Variants in SENP5 observed in about 807,000 individuals in gnomAD.
SENP5 encodes the protein SUMO specific peptidase 5.
SENP5 carries 21 observed loss-of-function variants against 74.2 expected under a neutral mutation model. The ratio of observed to expected loss-of-function variants is 0.28; its 90% confidence interval spans 0.20 to 0.41. The LOEUF is 0.41. Ranked by LOEUF, SENP5 falls within the 10% of genes least tolerant of loss-of-function variation. The pLI is 1.00. For synonymous variants in SENP5, 311 were observed against 312.7 expected (o/e 0.99, Z 0.06); for missense variants, 717 against 889.1 (o/e 0.81, Z 2.46).
chr3:196,901,043 A>ACT (rs369187807), intron 5 of SENP5, among the ~76,000 whole-genome samples: 1 of 100,992 alleles, frequency 9.9e-6, no homozygotes. Context: ...TTATGTATTT[A>ACT]TTTTACTTTT....
At chr3:196,919,203 A>T (rs1715513696) in intron 6 of SENP5, among the ~76,000 whole-genome samples, 1 of 152,226 alleles carries the variant, frequency 6.6e-6, no homozygotes, top group African/African-American at 2.4e-5. Context: ...ACAAAGGGCC[A>T]GGTGCAGTGG....
chr3:196,893,371 G>A (rs1560147247), intron 2 of SENP5, among the ~76,000 whole-genome samples: 1 of 152,136 alleles, frequency 6.6e-6, no homozygotes, highest in Non-Finnish European at 1.5e-5. Flanking sequence ...TGTGTGTATA[G>A]CAAAAGTTAG....
chr3:196,900,316 A>G, intron 4 of SENP5, 49 bp from the exon 5 acceptor site: 1 of 1,540,686 alleles, frequency 6.5e-7, no homozygotes, highest in Non-Finnish European at 8.8e-7. Flanking sequence ...TTCTTTCTCC[A>G]ACTTAACTGG....
intron 6 of SENP5, among the ~76,000 whole-genome samples, chr3:196,911,680 G>C (rs1243467832): frequency 6.6e-6 from 1 of 151,928 alleles, no homozygotes; most frequent in East Asian, 1.9e-4. Flanking sequence ...TGTGGTGGTG[G>C]GGGCCTGTAA....
Position 196,900,028 on chromosome 3 carries a change from C to T in SENP5, c.1724C>T (p.Ala575Val), listed in dbSNP as rs1017469080. 54 of 1,613,842 alleles carry T rather than the reference C, an allele frequency of 3.3e-5. No individual in the cohort carries two copies. The highest frequency in any genetic ancestry group is 9.9e-5 in the South Asian group (9 of 91,060). The change falls in exon 4 of 10, where the codon GCG becomes GTG. Residue 575 changes from alanine to valine, a missense_variant. Coordinates refer to ENST00000323460, the MANE Select transcript of SENP5 (RefSeq NM_152699.5). ...NKHMLDMDDL[A>V]TLDGQNWLND... ...CACATGCTGGATATGGACGACCTGG[C>T]GACTCTGGATGGTCAGAACTGGCTG...
At chr3:196,890,295 T>A (rs1714146776) in intron 2 of SENP5, among the ~76,000 whole-genome samples, 2 of 152,220 alleles carry the variant, frequency 1.3e-5, no homozygotes, top group African/African-American at 4.8e-5. Flanking sequence ...GATAATCCTT[T>A]AAGGGACTTC....
chr3:196,929,777 A>T, intron 9 of SENP5, 94 bp downstream of exon 9: 3 of 833,260 alleles, frequency 3.6e-6, no homozygotes, highest in Non-Finnish European at 6.2e-6. Flanking sequence ...TGTGTATATG[A>T]TGCTAGGTAC....
At position 196,929,668 on chromosome 3, in the gene SENP5, A is replaced by C. The variant is rs1715951442; in HGVS notation, c.2142A>C (p.Gly714=). ...IPQQKNDSDC[G]VFVLQYCKCL... is the part of the protein sequence containing the mutation. Reference sequence around the variant, plus strand: ...AACAGAAAAACGACAGTGACTGTGGAGTCTTTGTGCTCCAGGTAAAGAAAC... The same window carrying C: ...AACAGAAAAACGACAGTGACTGTGGCGTCTTTGTGCTCCAGGTAAAGAAAC... The change falls in exon 9 of 10, where the codon GGA becomes GGC. Residue 714 remains glycine, a synonymous_variant. Transcript: ENST00000323460. 6.2e-7 allele frequency: 1 copy of C among 1,608,582 alleles called. No individual in the cohort carries two copies. The highest frequency in any genetic ancestry group is 8.5e-7 in the Non-Finnish European group (1 of 1,176,702).
Position 196,923,474 on chromosome 3 carries a change from C to G in SENP5, c.1945C>G (p.Leu649Val). The G allele has an allele frequency of 6.2e-7, 1 of 1,612,110 alleles. No individual in the cohort carries two copies. Among genetic ancestry groups the G allele is most frequent in the Non-Finnish European group, 8.5e-7 (1 of 1,178,480 alleles). Reference sequence around the variant, plus strand: ...TATTCACCTGGAAGTCCACTGGTCTCTCATTACTGTGACACTCTCTAATCG... The same window carrying G: ...TATTCACCTGGAAGTCCACTGGTCTGTCATTACTGTGACACTCTCTAATCG... ...IPIHLEVHWS[L>V]ITVTLSNRII... The change falls in exon 7 of 10, where the codon CTC becomes GTC. Residue 649 changes from leucine (L) to valine (V), a missense_variant. Around this residue, in one of 4 missense-constraint regions of SENP5, gnomAD observed 85 missense variants for 188.9 expected, o/e 0.45. Transcript: ENST00000323460.
intron 5 of SENP5, among the ~76,000 whole-genome samples, chr3:196,902,609 A>G (rs1273149913): frequency 6.6e-6 from 1 of 152,208 alleles, no homozygotes; most frequent in Non-Finnish European, 1.5e-5. Context: ...TGCTGACACT[A>G]CTGGTCAGGT....
Position 196,931,637 on chromosome 3 carries a change from T to C in SENP5, c.*714T>C, listed in dbSNP as rs906260742. The C allele has an allele frequency of 1.2e-4, 29 of 248,730 alleles. No homozygotes were observed. The highest frequency in any genetic ancestry group is 6.1e-4 in the African/African-American group (26 of 42,420). 15.4% of individuals were successfully genotyped at this position (248,730 alleles called of 1,614,324 possible). A position where few individuals can be genotyped will look rare whatever the true frequency, so the allele number is the denominator to read the frequency against. On this transcript the variant is annotated 3_prime_UTR_variant, in exon 10 of 10. Transcript: ENST00000323460. ...ATTTCAATCGTGGTTTTAGGAATTA[T>C]AATACGTGGCATACATCTCATAAAG...
At chr3:196,920,966 CTG>C (rs1300196243) in intron 6 of SENP5, among the ~76,000 whole-genome samples, 1 of 152,308 alleles carries the variant, frequency 6.6e-6, no homozygotes, top group South Asian at 2.1e-4. Flanking sequence ...ATGGGCAAGT[CTG>C]TATAATCTTC....
intron 1 of SENP5, among the ~76,000 whole-genome samples, chr3:196,870,082 C>T (rs752022896): frequency 6.6e-6 from 1 of 152,128 alleles, no homozygotes; most frequent in East Asian, 1.9e-4. Flanking sequence ...TGCCAAACAT[C>T]TGATTGAAGT....
At chr3:196,899,576 G>A in intron 2 of SENP5, 90 bp from the exon 3 acceptor site, 1 of 746,596 alleles carries the variant, frequency 1.3e-6, no homozygotes. Context: ...TATGTGTTAA[G>A]TGCTGTGTAT....
intron 5 of SENP5, among the ~76,000 whole-genome samples, chr3:196,901,036 T>G (rs1235185005): frequency 1.4e-5 from 2 of 139,578 alleles, no homozygotes; most frequent in Non-Finnish European, 3.3e-5. Flanking sequence ...TTTACATTTA[T>G]GTATTTATTT....
In SENP5 at chr3:196,931,831, T is replaced by C; in HGVS notation, c.*908T>C. On this transcript the variant is annotated 3_prime_UTR_variant, in exon 10 of 10. Coordinates refer to ENST00000323460, the MANE Select transcript of SENP5 (RefSeq NM_152699.5). The stretch of plus-strand genomic sequence containing the variant: ...CCTCCCAATTGGAAGAAGTTAAGGT[T>C]TACCAAATGCATTTCTATTTCAAGG... The C allele has an allele frequency of 2.4e-6, 1 of 409,568 alleles. No homozygotes were observed. The highest frequency in any genetic ancestry group is 2.9e-5 in the Admixed American group (1 of 34,130). 25.4% of individuals were successfully genotyped at this position (409,568 alleles called of 1,614,324 possible).
At chr3:196,870,194 T>A (rs961050533) in intron 1 of SENP5, among the ~76,000 whole-genome samples, 1 of 152,216 alleles carries the variant, frequency 6.6e-6, no homozygotes, top group Non-Finnish European at 1.5e-5. Flanking sequence ...TTAAAGAATT[T>A]GGTAGACGCT....
chr3:196,894,467 A>G (rs1315049501), intron 2 of SENP5, among the ~76,000 whole-genome samples: 1 of 151,778 alleles, frequency 6.6e-6, no homozygotes, highest in East Asian at 1.9e-4. Flanking sequence ...AAGTTAAGGT[A>G]GATCCTTACC....
intron 1 of SENP5, among the ~76,000 whole-genome samples, chr3:196,869,328 A>T (rs1343514643): frequency 6.6e-6 from 1 of 151,774 alleles, no homozygotes; most frequent in Non-Finnish European, 1.5e-5. Flanking sequence ...CTCAGCCTCC[A>T]GAGTAGCTGG....
Sources: allele counts gnomAD v4.1 joint callset (sites outside exome capture counted in the v4.1 genomes callset), GRCh38; gene constraint gnomAD v4.1.1; regional missense constraint gnomAD v4.1.1; transcripts MANE v1.5; gene names NCBI Gene and HGNC (gene_info 2026-07-23, HGNC 2026-07-21).